The following IQGAP2 variants were observed in gnomAD, a reference collection of about 807,000 sequenced individuals.
IQGAP2 encodes IQ motif containing GTPase activating protein 2.
A neutral mutation model predicts 201.3 loss-of-function variants in IQGAP2; 173 were observed. That is an observed-to-expected ratio of 0.86 (90% CI 0.76 to 0.98). The LOEUF is 0.98. Among genes scored for constraint, IQGAP2 ranks in the 50% least tolerant of loss-of-function variants. IQGAP2 has a pLI of 0.00. For synonymous variants in IQGAP2, 675 were observed against 673.9 expected (o/e 1.00, Z -0.03); for missense variants, 1,687 against 1,864.8 (o/e 0.90, Z 1.76).
At chr5:76,438,041 T>TG (rs1561371644) in intron 1 of IQGAP2, among the ~76,000 whole-genome samples, 40 of 141,110 alleles carry the variant, frequency 2.8e-4, no homozygotes, top group African/African-American at 9.8e-4. Context: ...GTTTGTTTTT[T>TG]TTTTTGTTTT....
intron 2 of IQGAP2, among the ~76,000 whole-genome samples, chr5:76,534,961 G>C (rs553528364): frequency 6.6e-5 from 10 of 152,314 alleles, no homozygotes; most frequent in African/African-American, 2.4e-4. Context: ...ATACATTAAA[G>C]TATTTGTCCC....
intron 2 of IQGAP2, among the ~76,000 whole-genome samples, chr5:76,536,737 G>A (rs1186929881): frequency 2.0e-5 from 3 of 150,106 alleles, no homozygotes; most frequent in African/African-American, 4.9e-5. Flanking sequence ...TCCAGCTTGG[G>A]CAACAAGAGT....
At position 76,612,829 on chromosome 5, in the gene IQGAP2, G is replaced by A. The variant is rs575397265; in HGVS notation, c.1521+1646G>A. On this transcript the variant is annotated intron_variant, in intron 13 of 35. Transcript: ENST00000274364. ...ATACCTTCTGGAAGGTGAACTAGAAGGCTAGTATGGATGGGAGATTTATTC... is the reference window on the plus strand; with the variant it reads ...ATACCTTCTGGAAGGTGAACTAGAAAGCTAGTATGGATGGGAGATTTATTC... Among the ~76,000 whole-genome samples, 12 of 152,244 alleles carry A rather than the reference G, an allele frequency of 7.9e-5. No individual in the cohort carries two copies. The East Asian group carries it at 1.9e-3, about 25-fold the overall frequency.
At chr5:76,655,647 C>T (rs1396039812) in intron 20 of IQGAP2, among the ~76,000 whole-genome samples, 1 of 152,094 alleles carries the variant, frequency 6.6e-6, no homozygotes, top group African/African-American at 2.4e-5. Flanking sequence ...CGGGGTTTCA[C>T]CATGTGTGCC....
At chr5:76,609,655 G>A (rs565666490) in intron 12 of IQGAP2, among the ~76,000 whole-genome samples, 7 of 152,066 alleles carry the variant, frequency 4.6e-5, no homozygotes, top group East Asian at 3.9e-4. Flanking sequence ...GTGAAGTGAC[G>A]GGTGATCATT....
chr5:76,497,560 T>G (rs1757059303), intron 2 of IQGAP2, among the ~76,000 whole-genome samples: 1 of 152,240 alleles, frequency 6.6e-6, no homozygotes, highest in Non-Finnish European at 1.5e-5. Context: ...AAAAAAGCCA[T>G]TTTTGGATTG....
At chr5:76,617,146 T>A (rs1749056908) in intron 13 of IQGAP2, 1 of 157,398 alleles carries the variant, frequency 6.4e-6, no homozygotes, top group Non-Finnish European at 1.4e-5. Flanking sequence ...ATAAAGTGTT[T>A]TTAAAAATTA....
At chr5:76,557,106 C>T (rs996762374) in intron 2 of IQGAP2, among the ~76,000 whole-genome samples, 45 of 152,222 alleles carry the variant, frequency 3.0e-4, no homozygotes, top group African/African-American at 1.0e-3. Flanking sequence ...ACTCTGGAAG[C>T]AGCCCTGCAG....
intron 2 of IQGAP2, among the ~76,000 whole-genome samples, chr5:76,506,807 A>G (rs1757629485): frequency 6.6e-6 from 1 of 152,254 alleles, no homozygotes; most frequent in African/African-American, 2.4e-5. Context: ...TATAAGTCTA[A>G]CAAAACATGT....
At chr5:76,588,470 A>G (rs1223646710) in intron 5 of IQGAP2, among the ~76,000 whole-genome samples, 2 of 152,240 alleles carry the variant, frequency 1.3e-5, no homozygotes, top group Admixed American at 6.5e-5. Flanking sequence ...TAAAACAAAT[A>G]TTTCCTCAAG....
At chr5:76,604,334 G>A (rs1239773244) in intron 11 of IQGAP2, among the ~76,000 whole-genome samples, 4 of 151,710 alleles carry the variant, frequency 2.6e-5, no homozygotes, top group Non-Finnish European at 5.9e-5. Context: ...TGGCTGCATA[G>A]TATTCCATGG....
chr5:76,526,346 G>A (rs1463082122), intron 2 of IQGAP2, among the ~76,000 whole-genome samples: 1 of 152,170 alleles, frequency 6.6e-6, no homozygotes, highest in Non-Finnish European at 1.5e-5. Flanking sequence ...AGAGGTAGGG[G>A]CAGACTTTAT....
intron 21 of IQGAP2, among the ~76,000 whole-genome samples, chr5:76,661,563 ACT>A (rs1743247950): frequency 6.6e-6 from 1 of 152,178 alleles, no homozygotes; most frequent in Non-Finnish European, 1.5e-5. Context: ...ACTTAATTAT[ACT>A]ACTTCACTGC....
rs545584812 is a variant in IQGAP2, at chr5:76,536,065, C to CTTTTTTTTTTT, written c.147-26324_147-26314dup. 2.4e-5 allele frequency among the ~76,000 whole-genome samples: 3 copies of CTTTTTTTTTTT among 123,744 alleles called. 1 individual carries two copies. 81.2% of individuals were successfully genotyped at this position (123,744 alleles called of 152,430 possible). ...TTACCTGGCTTTCCAGGAGCATATT[C>CTTTTTTTTTTT]TTTTTTTTTTTTTTTTTGAGATGGC... On this transcript the variant is annotated intron_variant, in intron 2 of 35. Coordinates refer to ENST00000274364, the MANE Select transcript of IQGAP2 (RefSeq NM_006633.5).
chr5:76,505,585 C>T (rs1757568586), intron 2 of IQGAP2, among the ~76,000 whole-genome samples: 1 of 152,144 alleles, frequency 6.6e-6, no homozygotes, highest in African/African-American at 2.4e-5. Context: ...TCTTAAGTAA[C>T]AAGCTTGGGG....
chr5:76,623,259 CGTTATGAAATCT>C, intron 13 of IQGAP2: 1 of 1,612,782 alleles, frequency 6.2e-7, no homozygotes, highest in African/African-American at 1.3e-5. Context: ...GTCTCTTAAA[CGTTATGAAATCT>C]GTAAAATCAT....
At chr5:76,500,309 A>G (rs1035734095) in intron 2 of IQGAP2, among the ~76,000 whole-genome samples, 2 of 152,212 alleles carry the variant, frequency 1.3e-5, no homozygotes, top group South Asian at 2.1e-4. Flanking sequence ...GTAGGGACCT[A>G]AGAAACGGAG....
intron 22 of IQGAP2, among the ~76,000 whole-genome samples, chr5:76,666,874 G>T (rs1324875977): frequency 6.6e-6 from 1 of 152,174 alleles, no homozygotes. Flanking sequence ...CTCCTGAGTA[G>T]CTGGGACTAC....
At chr5:76,703,604 A>G (rs149372448) in intron 35 of IQGAP2, among the ~76,000 whole-genome samples, 76 of 150,202 alleles carry the variant, frequency 5.1e-4, no homozygotes, top group African/African-American at 1.7e-3. Context: ...TAAGAGCCAC[A>G]TTTAAGCCAA....
Sources: gnomAD v4.1 joint callset for allele counts (sites outside exome capture counted in the v4.1 genomes callset) on GRCh38, gnomAD v4.1.1 for gene constraint, MANE v1.5 for transcripts, NCBI Gene and HGNC (gene_info 2026-07-23, HGNC 2026-07-21) for gene names.